The following NLGN1 variants were observed in gnomAD, a reference collection of about 807,000 sequenced individuals.
The protein encoded by NLGN1 is neuroligin 1, also known as neuroligin-1.
NLGN1 carries 12 observed loss-of-function variants against 65.5 expected under a neutral mutation model. That is an observed-to-expected ratio of 0.18 (90% CI 0.12 to 0.30). The LOEUF is 0.30. Ranked by LOEUF, NLGN1 falls within the 10% of genes least tolerant of loss-of-function variation. The probability of loss-of-function intolerance (pLI) is 1.00; values close to 1 mark genes in which losing one functional copy is unlikely to be tolerated. For synonymous variants in NLGN1, 350 were observed against 359.5 expected (o/e 0.97, Z 0.30); for missense variants, 750 against 1,007.1 (o/e 0.74, Z 3.46).
chr3:174,056,344 T>TA lies in NLGN1; in HGVS notation c.647-218965dup, dbSNP rs79529061. Among the ~76,000 whole-genome samples the TA allele has an allele frequency of 2.4e-4, 37 of 152,146 alleles. No homozygotes were observed. The East Asian group carries it at 5.4e-3, about 22-fold the overall frequency. ...AAGTGTGATGTAGGCTGATTTTTTT[T>TA]AAAAAAGCTTCTTTTTAAATAATAT... On this transcript the variant is annotated intron_variant, in intron 4 of 6. Transcript: ENST00000457714.
chr3:174,043,749 G>A (rs1732884670), intron 4 of NLGN1, among the ~76,000 whole-genome samples: 1 of 152,202 alleles, frequency 6.6e-6, no homozygotes, highest in Non-Finnish European at 1.5e-5. Context: ...AGTGCAAGCT[G>A]TTGGTGGATC....
At chr3:173,741,414 T>C (rs1774627091) in intron 3 of NLGN1, among the ~76,000 whole-genome samples, 1 of 152,120 alleles carries the variant, frequency 6.6e-6, no homozygotes, top group South Asian at 2.1e-4. Context: ...AGGGAACTGA[T>C]AGTCTTTGAA....
intron 4 of NLGN1, among the ~76,000 whole-genome samples, chr3:173,986,111 G>A (rs1719841359): frequency 6.6e-6 from 1 of 152,140 alleles, no homozygotes; most frequent in South Asian, 2.1e-4. Context: ...TAGTTAAGTC[G>A]ACATGAAGTC....
At chr3:173,593,508 T>A (rs1748904717) in intron 2 of NLGN1, among the ~76,000 whole-genome samples, 1 of 152,218 alleles carries the variant, frequency 6.6e-6, no homozygotes, top group Non-Finnish European at 1.5e-5. Context: ...AAAAATGTAA[T>A]AAGTGTTTTG....
intron 3 of NLGN1, among the ~76,000 whole-genome samples, chr3:173,612,703 A>C (rs1271374734): frequency 1.3e-5 from 2 of 152,064 alleles, no homozygotes; most frequent in African/African-American, 4.8e-5. Flanking sequence ...AAATAAGGTC[A>C]TTGTATCGCT....
intron 4 of NLGN1, among the ~76,000 whole-genome samples, chr3:174,209,720 C>A (rs1736099122): frequency 6.9e-6 from 1 of 144,120 alleles, no homozygotes; most frequent in African/African-American, 2.6e-5. Flanking sequence ...GCAACCTCCA[C>A]CTCCTGGGTT....
chr3:173,657,536 T>G (rs1246647377), intron 3 of NLGN1, among the ~76,000 whole-genome samples: 1 of 151,876 alleles, frequency 6.6e-6, no homozygotes, highest in Non-Finnish European at 1.5e-5. Flanking sequence ...CACTGGGCAG[T>G]GGGGGGAAAG....
At chr3:174,116,725 A>G (rs1239221168) in intron 4 of NLGN1, among the ~76,000 whole-genome samples, 1 of 152,168 alleles carries the variant, frequency 6.6e-6, no homozygotes, top group Admixed American at 6.5e-5. Flanking sequence ...AATGTTGATC[A>G]TGAATTTCAA....
chr3:173,539,842 A>G (rs544695748), intron 2 of NLGN1, among the ~76,000 whole-genome samples: 2 of 136,060 alleles, frequency 1.5e-5, no homozygotes, highest in South Asian at 4.4e-4. Flanking sequence ...TATATGTTAT[A>G]TATATTATAT....
At chr3:173,489,833 C>T (rs1335938698) in intron 2 of NLGN1, among the ~76,000 whole-genome samples, 1 of 152,040 alleles carries the variant, frequency 6.6e-6, no homozygotes, top group Non-Finnish European at 1.5e-5. Flanking sequence ...CTCTGATGGC[C>T]AGTGATGATG....
intron 2 of NLGN1, among the ~76,000 whole-genome samples, chr3:173,539,829 GTA>G (rs558784608): frequency 2.1e-4 from 26 of 121,104 alleles, no homozygotes; most frequent in African/African-American, 7.3e-4. Flanking sequence ...TGTTATATAT[GTA>G]TATATGTTAT....
intron 3 of NLGN1, among the ~76,000 whole-genome samples, chr3:173,743,385 G>A (rs1025779463): frequency 6.6e-6 from 1 of 151,924 alleles, no homozygotes; most frequent in African/African-American, 2.4e-5. Context: ...CAGCTCAAGG[G>A]ACAAATACAC....
chr3:174,184,592 T>C (rs1473262837), intron 4 of NLGN1, among the ~76,000 whole-genome samples: 1 of 152,178 alleles, frequency 6.6e-6, no homozygotes, highest in Non-Finnish European at 1.5e-5. Flanking sequence ...TCAGCCACTA[T>C]ATCGATCAGT....
chr3:174,294,190 T>C, the NLGN1 span, among the ~76,000 whole-genome samples: 5 of 151,832 alleles, frequency 3.3e-5, no homozygotes, highest in Admixed American at 6.6e-5. Context: ...AATATCATTA[T>C]TGTATTAATT....
At chr3:174,262,302 A>G (rs1747084859) in intron 4 of NLGN1, among the ~76,000 whole-genome samples, 1 of 89,006 alleles carries the variant, frequency 1.1e-5, no homozygotes, top group Non-Finnish European at 2.1e-5. Flanking sequence ...TCGGCTGTGA[A>G]TCCATCTGGT....
At chr3:173,478,518 C>A (rs927957353) in intron 2 of NLGN1, among the ~76,000 whole-genome samples, 3 of 151,986 alleles carry the variant, frequency 2.0e-5, no homozygotes, top group Non-Finnish European at 4.4e-5. Flanking sequence ...ATGTAACAAA[C>A]CTGTACATCC....
At chr3:173,755,240 GATGTT>G (rs1776919480) in intron 3 of NLGN1, among the ~76,000 whole-genome samples, 1 of 151,982 alleles carries the variant, frequency 6.6e-6, no homozygotes, top group Non-Finnish European at 1.5e-5. Flanking sequence ...CCAATATTCT[GATGTT>G]ATATTGGTAT....
At chr3:174,275,005 G>A (rs1269403942) in intron 4 of NLGN1, among the ~76,000 whole-genome samples, 1 of 151,790 alleles carries the variant, frequency 6.6e-6, no homozygotes, top group Non-Finnish European at 1.5e-5. Flanking sequence ...TGTCTCCACT[G>A]AGTAGCTTGG....
chr3:174,048,414 CAAT>C (rs1734094753), intron 4 of NLGN1, among the ~76,000 whole-genome samples: 1 of 151,786 alleles, frequency 6.6e-6, no homozygotes, highest in South Asian at 2.1e-4. Flanking sequence ...TCATTGGTGT[CAAT>C]GATGGCAAAG....
Sources: gnomAD v4.1 joint callset for allele counts (sites outside exome capture counted in the v4.1 genomes callset) on GRCh38, gnomAD v4.1.1 for gene constraint, MANE v1.5 for transcripts, NCBI Gene and HGNC (gene_info 2026-07-23, HGNC 2026-07-21) for gene names.